Variants in PTBP2 observed in about 807,000 individuals in gnomAD.
The protein encoded by PTBP2 is polypyrimidine tract binding protein 2, also known as polypyrimidine tract-binding protein 2.
In PTBP2, 13 loss-of-function variants were observed where a neutral mutation model predicts 61.4. The observed-to-expected ratio is 0.21, with a 90% confidence interval of 0.14 to 0.34. The LOEUF (loss-of-function observed/expected upper bound fraction) is 0.34, where lower values mean the gene tolerates loss of function less well. Among genes scored for constraint, PTBP2 ranks in the 10% least tolerant of loss-of-function variants. PTBP2 has a pLI of 1.00. For missense variants in PTBP2, 405 were observed against 642.6 expected, an observed-to-expected ratio of 0.63 and a Z score of 4.00; for synonymous variants, 215 against 218.5, an observed-to-expected ratio of 0.98 and a Z score of 0.14.
At chr1:96,817,762 T>C (rs1662538875), downstream of PTBP2, 2 of 152,234 alleles carry the variant, frequency 1.3e-5, no homozygotes, top group East Asian at 1.9e-4. Context: ...AGTATTTTAT[T>C]ATTCAGTGGT....
exon 14 of PTBP2, chr1:96,823,090 A>T (rs1051528776): frequency 2.6e-5 from 4 of 152,224 alleles, no homozygotes; most frequent in Non-Finnish European, 4.4e-5. Flanking sequence ...CCTCCTGAGT[A>T]GCTGGGACTA....
At chr1:96,727,881 C>G (rs1460306915) in intron 2 of PTBP2, among the ~76,000 whole-genome samples, 1 of 152,058 alleles carries the variant, frequency 6.6e-6, no homozygotes, top group African/African-American at 2.4e-5. Context: ...CTGATGGACT[C>G]CAGTTTACCA....
Position 96,777,632 on chromosome 1 carries a change from T to A in PTBP2, c.480T>A (p.Asn160Lys), listed in dbSNP as rs150174874. The A allele has an allele frequency of 1.2e-6, 2 of 1,613,370 alleles. No individual in the cohort carries two copies. Among genetic ancestry groups the A allele is most frequent in the African/African-American group, 2.7e-5 (2 of 74,878 alleles). The change falls in exon 6 of 14, where the codon AAT (asparagine) becomes AAA (lysine). Residue 160 changes from asparagine to lysine, a missense_variant. By Grantham distance (94) the Asn-to-Lys change is moderately conservative (BLOSUM62 0). Transcript: ENST00000674951. ...CTGTGACAGCTGTCCAGACAGCAAA[T>A]ACTCCTCTTAGTGGCACCACAGTTA... The part of the protein sequence containing the change: ...LQAVTAVQTA[N>K]TPLSGTTVSE...
intron 8 of PTBP2, among the ~76,000 whole-genome samples, chr1:96,801,420 A>C (rs1660981520): frequency 6.6e-6 from 1 of 152,130 alleles, no homozygotes; most frequent in African/African-American, 2.4e-5. Context: ...AGTTCCTGAG[A>C]TCTTCATAGG....
chr1:96,787,799 G>A (rs1659371624), intron 8 of PTBP2, among the ~76,000 whole-genome samples: 1 of 152,072 alleles, frequency 6.6e-6, no homozygotes, highest in East Asian at 1.9e-4. Flanking sequence ...TAATACCTGC[G>A]TAGCATGTTC....
chr1:96,740,865 G>A (rs994246317), intron 2 of PTBP2, among the ~76,000 whole-genome samples: 5 of 151,554 alleles, frequency 3.3e-5, no homozygotes, highest in African/African-American at 7.3e-5. Flanking sequence ...AATATTTGAC[G>A]AGATTGATTT....
intron 11 of PTBP2, among the ~76,000 whole-genome samples, chr1:96,809,139 GTAGA>G (rs1034763853): frequency 6.6e-6 from 1 of 152,084 alleles, no homozygotes; most frequent in Non-Finnish European, 1.5e-5. Context: ...TAAATAATAA[GTAGA>G]TAGAACTACA....
chr1:96,816,690 A>C (rs1483804633), downstream of PTBP2: 14 of 152,170 alleles, frequency 9.2e-5, no homozygotes, highest in South Asian at 2.1e-4. Flanking sequence ...TGATTAGCTT[A>C]ATTCATTCAT....
rs1649586478 is a variant in PTBP2 at position 96,721,808 on chromosome 1, GTGGCTCGC to G, written c.-51_-44del. The G allele has an allele frequency of 1.3e-6, 2 of 1,551,970 alleles. No individual in the cohort carries two copies. Among genetic ancestry groups the G allele is most frequent in the Non-Finnish European group, 1.7e-6 (2 of 1,147,022 alleles). On this transcript the variant is annotated 5_prime_UTR_variant, in exon 1 of 14. Coordinates refer to ENST00000674951, the MANE Select transcript of PTBP2 (RefSeq NM_021190.4). Reference sequence around the variant, plus strand: ...CAGCCGCCATTTTCTCGCCGCTTGTGTGGCTCGCTGGCTGCGTGGCTCGGTTCTTGTGA... The same window carrying G: ...CAGCCGCCATTTTCTCGCCGCTTGTGTGGCTGCGTGGCTCGGTTCTTGTGA...
chr1:96,803,951 T>C (rs1403439338), intron 8 of PTBP2, among the ~76,000 whole-genome samples: 2 of 152,178 alleles, frequency 1.3e-5, no homozygotes, highest in African/African-American at 2.4e-5. Flanking sequence ...GATGAAAATA[T>C]TCCAAGTTGA....
intron 5 of PTBP2, among the ~76,000 whole-genome samples, chr1:96,772,562 C>T (rs903999384): frequency 5.9e-5 from 9 of 152,106 alleles, no homozygotes; most frequent in African/African-American, 2.2e-4. Flanking sequence ...ATCATCACCC[C>T]TTCCCTGTTC....
At chr1:96,798,813 C>T (rs367728880) in intron 8 of PTBP2, among the ~76,000 whole-genome samples, 4 of 152,114 alleles carry the variant, frequency 2.6e-5, no homozygotes, top group African/African-American at 4.8e-5. Flanking sequence ...GGGGGAACTG[C>T]GGTTTCCAGG....
intron 11 of PTBP2, among the ~76,000 whole-genome samples, chr1:96,809,783 A>G (rs1292189455): frequency 6.6e-6 from 1 of 152,178 alleles, no homozygotes; most frequent in Non-Finnish European, 1.5e-5. Context: ...GCGATAAAGT[A>G]CTATATACAA....
chr1:96,759,515 A>G (rs1281156749), intron 3 of PTBP2, among the ~76,000 whole-genome samples: 4 of 152,226 alleles, frequency 2.6e-5, no homozygotes, highest in Non-Finnish European at 5.9e-5. Flanking sequence ...AAAAAGCAAA[A>G]GAAACTTAAA....
At chr1:96,741,408 A>G (rs1431555035) in intron 2 of PTBP2, among the ~76,000 whole-genome samples, 1 of 152,034 alleles carries the variant, frequency 6.6e-6, no homozygotes, top group Non-Finnish European at 1.5e-5. Flanking sequence ...CTACAGGAAT[A>G]CACCACTATG....
At chr1:96,773,516 C>A (rs1232860887) in intron 5 of PTBP2, among the ~76,000 whole-genome samples, 2 of 151,872 alleles carry the variant, frequency 1.3e-5, no homozygotes, top group East Asian at 3.9e-4. Flanking sequence ...TCTCTTCATC[C>A]CCCCTTTGTT....
rs66475516 is a variant in PTBP2 at position 96,813,661 on chromosome 1, C to CTTTTTTTTTTTTTTTTTTTTTT, written c.*277_*278insTTTTTTTTTTTTTTTTTTTTTT. 8.3e-6 allele frequency: 1 copy of CTTTTTTTTTTTTTTTTTTTTTT among 120,696 alleles called. No individual in the cohort carries two copies. Among genetic ancestry groups the CTTTTTTTTTTTTTTTTTTTTTT allele is most frequent in the Non-Finnish European group, 1.5e-5 (1 of 65,516 alleles). The allele number at this position is 120,696 out of a possible 1,614,324, so 7.5% of individuals were successfully genotyped here. A position where few individuals can be genotyped will look rare whatever the true frequency, so the allele number is the denominator to read the frequency against. ...TGTTTAAAATTTCAGTTTAATTTTG[C>CTTTTTTTTTTTTTTTTTTTTTT]TTTTTTTTTTTTTTTTTTTTTCCTT... On this transcript the variant is annotated 3_prime_UTR_variant, in exon 14 of 14. Coordinates refer to ENST00000674951, the MANE Select transcript of PTBP2 (RefSeq NM_021190.4).
chr1:96,807,158 A>G (rs1380742114), intron 11 of PTBP2, among the ~76,000 whole-genome samples, 200 bp downstream of exon 11: 1 of 152,200 alleles, frequency 6.6e-6, no homozygotes. Flanking sequence ...CTGTTTTTCA[A>G]ATGCACTCAT....
intron 8 of PTBP2, among the ~76,000 whole-genome samples, chr1:96,801,473 G>A (rs185322382): frequency 6.6e-6 from 1 of 152,268 alleles, no homozygotes. Context: ...TAATACTAAA[G>A]TGTATTTTGC....
Sources: allele counts gnomAD v4.1 joint callset (sites outside exome capture counted in the v4.1 genomes callset), GRCh38; gene constraint gnomAD v4.1.1; transcripts MANE v1.5; gene names NCBI Gene and HGNC (gene_info 2026-07-23, HGNC 2026-07-21).